Variants in CADM2 observed in about 807,000 individuals in gnomAD.
The protein encoded by CADM2 is cell adhesion molecule 2, also known as immunoglobulin superfamily member 4D.
Under a neutral mutation model 49.8 loss-of-function variants are expected in CADM2, and 12 were observed. The ratio of observed to expected loss-of-function variants is 0.24; its 90% CI spans 0.15 to 0.39. The LOEUF (loss-of-function observed/expected upper bound fraction) is 0.39, where lower values mean the gene tolerates loss of function less well. Among genes scored for constraint, CADM2 ranks in the 10% least tolerant of loss-of-function variants. The pLI is 1.00. For synonymous variants in CADM2, 214 were observed against 175.4 expected, an observed-to-expected ratio of 1.22 and a Z score of -1.74; for missense variants, 378 against 492.3, an observed-to-expected ratio of 0.77 and a Z score of 2.20.
chr3:85,269,922 G>A (rs1345593350), intron 1 of CADM2, among the ~76,000 whole-genome samples: 1 of 151,204 alleles, frequency 6.6e-6, no homozygotes, highest in African/African-American at 2.4e-5. Context: ...TTGCTGAATT[G>A]TTTTTGTATT....
intron 1 of CADM2, among the ~76,000 whole-genome samples, chr3:85,086,604 C>T (rs932805545): frequency 1.3e-5 from 2 of 149,644 alleles, no homozygotes; most frequent in Non-Finnish European, 3.0e-5. Flanking sequence ...CTCCACATCT[C>T]GGGTTCAAGT....
intron 1 of CADM2, among the ~76,000 whole-genome samples, chr3:85,283,536 G>A (rs2043556173): frequency 6.6e-6 from 1 of 151,844 alleles, no homozygotes; most frequent in African/African-American, 2.4e-5. Flanking sequence ...TATACTAAAT[G>A]GGCTGGTGTT....
chr3:85,129,112 C>T (rs2039139491), intron 1 of CADM2, among the ~76,000 whole-genome samples: 1 of 152,174 alleles, frequency 6.6e-6, no homozygotes, highest in South Asian at 2.1e-4. Context: ...CACTGAAACC[C>T]GGTCCATAGC....
At position 85,771,952 on chromosome 3, in the gene CADM2, T is replaced by A. The variant is rs549802364; in HGVS notation, c.89-30095T>A. 5.3e-5 allele frequency among the ~76,000 whole-genome samples: 8 copies of A among 151,650 alleles called. No homozygotes were observed. In the South Asian group the frequency reaches 1.7e-3, roughly 32 times the overall value. ...AGGTGAAGTTTTTCAGCAAAAGGGATAGTAAATGCACTGAACTTTCACAAG... is the reference window on the plus strand; with the variant it reads ...AGGTGAAGTTTTTCAGCAAAAGGGAAAGTAAATGCACTGAACTTTCACAAG... On this transcript the variant is annotated intron_variant, in intron 2 of 9. Coordinates refer to ENST00000383699, the MANE Select transcript of CADM2 (RefSeq NM_001167675.2).
chr3:85,705,687 G>T (rs1338356721), intron 1 of CADM2, among the ~76,000 whole-genome samples: 1 of 152,102 alleles, frequency 6.6e-6, no homozygotes, highest in African/African-American at 2.4e-5. Context: ...CATTTAACTA[G>T]AATTTGTTCT....
At chr3:85,631,613 C>CTT (rs1461122018) in intron 1 of CADM2, among the ~76,000 whole-genome samples, 26 of 151,986 alleles carry the variant, frequency 1.7e-4, no homozygotes, top group Non-Finnish European at 2.9e-4. Context: ...TAATTTCTCC[C>CTT]ACGAATTAAT....
At chr3:85,477,217 T>A (rs942476679) in intron 1 of CADM2, among the ~76,000 whole-genome samples, 3 of 143,362 alleles carry the variant, frequency 2.1e-5, no homozygotes, top group Non-Finnish European at 4.6e-5. Context: ...AAAAGTTCAC[T>A]TGTTAGTGGT....
intron 8 of CADM2, among the ~76,000 whole-genome samples, chr3:85,990,986 C>T (rs1728708647): frequency 6.6e-6 from 1 of 152,128 alleles, no homozygotes; most frequent in Non-Finnish European, 1.5e-5. Flanking sequence ...CACTGATCTC[C>T]CCCTTCCTCC....
At chr3:85,433,582 G>A (rs1192881867) in intron 1 of CADM2, among the ~76,000 whole-genome samples, 1 of 152,056 alleles carries the variant, frequency 6.6e-6, no homozygotes, top group East Asian at 1.9e-4. Context: ...GTCATGTAAG[G>A]AGCTAGCAAA....
intron 1 of CADM2, among the ~76,000 whole-genome samples, chr3:85,030,996 C>T (rs1210453343): frequency 6.6e-6 from 1 of 152,100 alleles, no homozygotes; most frequent in Non-Finnish European, 1.5e-5. Context: ...TGAAGTACTA[C>T]AGACCAGTAA....
intron 3 of CADM2, among the ~76,000 whole-genome samples, chr3:85,803,740 G>A (rs1372486818): frequency 6.6e-6 from 1 of 151,896 alleles, no homozygotes; most frequent in African/African-American, 2.4e-5. Flanking sequence ...CACTGATTGA[G>A]TGTCTCCTGT....
chr3:85,814,925 TACTATAGAAATAC>T (rs2073119377), intron 3 of CADM2, among the ~76,000 whole-genome samples: 1 of 151,954 alleles, frequency 6.6e-6, no homozygotes, highest in Admixed American at 6.6e-5. Flanking sequence ...TTCTATAGAA[TACTATAGAAATAC>T]AAACTACCAT....
intron 1 of CADM2, among the ~76,000 whole-genome samples, chr3:85,365,019 G>C (rs1300039015): frequency 6.6e-6 from 1 of 152,020 alleles, no homozygotes; most frequent in African/African-American, 2.4e-5. Flanking sequence ...TTTGCAATTA[G>C]ATCTTTTATG....
At chr3:85,112,188 A>C (rs2038482939) in intron 1 of CADM2, among the ~76,000 whole-genome samples, 1 of 151,942 alleles carries the variant, frequency 6.6e-6, no homozygotes. Context: ...TTCACAAGAT[A>C]TTAAAATATC....
Position 85,145,787 on chromosome 3 carries a change from G to A in CADM2, c.61+186119G>A, listed in dbSNP as rs538005402. On this transcript the variant is annotated intron_variant, in intron 1 of 9. Coordinates refer to ENST00000383699, the MANE Select transcript of CADM2 (RefSeq NM_001167675.2). ...AATATTTGTATACATTTAAAAATAG[G>A]ACTTTTCAAAATATGTGGCCTTTTG... is the stretch of plus-strand genomic sequence containing the variant. Among the ~76,000 whole-genome samples the A allele has an allele frequency of 2.0e-5, 3 of 152,040 alleles. No homozygotes were observed. In the East Asian group the frequency reaches 5.8e-4, roughly 29 times the overall value.
chr3:85,414,110 G>T (rs922545348), intron 1 of CADM2, among the ~76,000 whole-genome samples: 7 of 152,038 alleles, frequency 4.6e-5, no homozygotes, highest in Admixed American at 3.3e-4. Context: ...TAATCCACCC[G>T]CCTCAGTCTC....
chr3:85,714,954 A>G (rs1261943862), intron 1 of CADM2, among the ~76,000 whole-genome samples: 1 of 152,132 alleles, frequency 6.6e-6, no homozygotes, highest in Non-Finnish European at 1.5e-5. Context: ...ATTGCACACC[A>G]TTCTCATTAC....
At chr3:85,969,682 T>C (rs1488016603) in intron 8 of CADM2, among the ~76,000 whole-genome samples, 1 of 151,306 alleles carries the variant, frequency 6.6e-6, no homozygotes, top group African/African-American at 2.4e-5. Context: ...GAATATATTA[T>C]ATGCCCTCAC....
intron 2 of CADM2, among the ~76,000 whole-genome samples, chr3:85,750,243 T>C (rs1294001738): frequency 2.0e-5 from 3 of 152,088 alleles, no homozygotes; most frequent in Admixed American, 2.0e-4. Context: ...AGATGTGTTT[T>C]CATCATGAAT....
Sources: allele counts gnomAD v4.1 joint callset (sites outside exome capture counted in the v4.1 genomes callset), GRCh38; gene constraint gnomAD v4.1.1; transcripts MANE v1.5; gene names NCBI Gene and HGNC (gene_info 2026-07-23, HGNC 2026-07-21).